Variants in OXR1 observed in about 807,000 individuals in gnomAD.
OXR1 encodes oxidation resistance 1, also known as oxidation resistance protein 1.
A neutral mutation model predicts 104.6 loss-of-function variants in OXR1; 41 were observed. The ratio of observed to expected loss-of-function variants is 0.39; its 90% confidence interval spans 0.31 to 0.51. The LOEUF is 0.51. Ranked by LOEUF, OXR1 falls within the 20% of genes least tolerant of loss-of-function variation. OXR1 has a pLI of 0.77. For missense variants in OXR1, 955 were observed against 1,031.9 expected, an observed-to-expected ratio of 0.93 and a Z score of 1.02; for synonymous variants, 348 against 348.4, an observed-to-expected ratio of 1.00 and a Z score of 0.01.
chr8:106,312,821 G>A (rs1813765584), intron 1 of OXR1, among the ~76,000 whole-genome samples: 1 of 152,048 alleles, frequency 6.6e-6, no homozygotes, highest in Non-Finnish European at 1.5e-5. Flanking sequence ...CTATAAATTG[G>A]CCCAACATAA....
chr8:106,570,157 T>C (rs935255145), intron 3 of OXR1, among the ~76,000 whole-genome samples: 3 of 152,206 alleles, frequency 2.0e-5, no homozygotes, highest in African/African-American at 7.2e-5. Flanking sequence ...TGCTTCCTTA[T>C]GTTCTCTGAC....
intron 2 of OXR1, among the ~76,000 whole-genome samples, chr8:106,455,534 A>G (rs1193826247): frequency 2.0e-5 from 3 of 152,156 alleles, no homozygotes; most frequent in Non-Finnish European, 4.4e-5. Flanking sequence ...TAAAATTAAG[A>G]GTCTGTGTCT....
At chr8:106,479,845 T>C (rs1200790680) in intron 2 of OXR1, among the ~76,000 whole-genome samples, 1 of 152,022 alleles carries the variant, frequency 6.6e-6, no homozygotes, top group East Asian at 1.9e-4. Flanking sequence ...GACTTTATAA[T>C]TTACTCTCCA....
At chr8:106,471,958 C>A (rs1172332628) in intron 2 of OXR1, among the ~76,000 whole-genome samples, 1 of 151,814 alleles carries the variant, frequency 6.6e-6, no homozygotes, top group African/African-American at 2.4e-5. Flanking sequence ...AAATTGTTAT[C>A]GATGAAATAC....
At position 106,706,501 on chromosome 8, in the gene OXR1, C is replaced by T; in HGVS notation, c.980C>T (p.Pro327Leu). 1 of 1,605,090 alleles carries T rather than the reference C, an allele frequency of 6.2e-7. No individual in the cohort carries two copies. Among genetic ancestry groups the T allele is most frequent in the Non-Finnish European group, 8.5e-7 (1 of 1,177,858 alleles). The change falls in exon 9 of 17, where the codon CCT becomes CTT. Residue 327 changes from proline to leucine, a missense_variant. By Grantham distance (98) the Pro-to-Leu change is moderately conservative. Coordinates refer to ENST00000517566, the MANE Select transcript of OXR1 (RefSeq NM_001198533.2). ...GGTAATGATAGTGCCAGCACTGCTC[C>T]TAGGAGCACTGAGGAGTCTCTTTCT... is the stretch of plus-strand genomic sequence containing the variant. ...DAGNDSASTA[P>L]RSTEESLSED... is the part of the protein sequence containing the mutation.
chr8:106,287,129 A>C (rs926350653), intron 1 of OXR1, among the ~76,000 whole-genome samples: 1 of 152,172 alleles, frequency 6.6e-6, no homozygotes, highest in Non-Finnish European at 1.5e-5. Flanking sequence ...CTGTAGACCT[A>C]AAGTAGAAAG....
At chr8:106,551,596 C>A in intron 3 of OXR1, among the ~76,000 whole-genome samples, 1 of 151,604 alleles carries the variant, frequency 6.6e-6, no homozygotes, top group Admixed American at 6.6e-5. Flanking sequence ...AGAGGGACTT[C>A]CTGGGGATGT....
intron 2 of OXR1, among the ~76,000 whole-genome samples, chr8:106,436,800 A>G (rs1226601649): frequency 6.6e-6 from 1 of 152,172 alleles, no homozygotes; most frequent in Non-Finnish European, 1.5e-5. Flanking sequence ...CTAGAAGACC[A>G]GCCATGCCTC....
intron 2 of OXR1, among the ~76,000 whole-genome samples, chr8:106,434,348 C>G (rs998898517): frequency 3.9e-5 from 6 of 152,044 alleles, no homozygotes; most frequent in Non-Finnish European, 8.8e-5. Context: ...TAAGAAAAAG[C>G]TAATTTTGTG....
At chr8:106,284,211 G>A (rs1812401902) in intron 1 of OXR1, among the ~76,000 whole-genome samples, 2 of 151,984 alleles carry the variant, frequency 1.3e-5, no homozygotes, top group African/African-American at 4.8e-5. Flanking sequence ...CGGTCAGCAG[G>A]TTGTGCTGCA....
chr8:106,400,498 A>G (rs1817958534), intron 2 of OXR1, among the ~76,000 whole-genome samples: 1 of 152,188 alleles, frequency 6.6e-6, no homozygotes, highest in African/African-American at 2.4e-5. Context: ...TAGTAAAATT[A>G]TTCCTTCCAA....
chr8:106,519,198 A>G, intron 3 of OXR1, 59 bp downstream of exon 3: 1 of 1,196,838 alleles, frequency 8.4e-7, no homozygotes. Flanking sequence ...TGGCATTGAG[A>G]ATTTCTGGGT....
chr8:106,752,381 T>C lies in OXR1; in HGVS notation c.*1440T>C, dbSNP rs752826932. 6.6e-6 allele frequency: 1 copy of C among 152,542 alleles called. No individual in the cohort carries two copies. Among genetic ancestry groups the C allele is most frequent in the Non-Finnish European group, 1.5e-5 (1 of 67,942 alleles). The allele number at this position is 152,542 out of a possible 1,614,324, so 9.4% of individuals were successfully genotyped here. On this transcript the variant is annotated 3_prime_UTR_variant, in exon 17 of 17. Coordinates refer to ENST00000517566, the MANE Select transcript of OXR1 (RefSeq NM_001198533.2). ...GTTCTTTTGAAAGTTTAGATAATTATTTAAAGAAAGCATAATGCTAATGGA... is the reference window on the plus strand; with the variant it reads ...GTTCTTTTGAAAGTTTAGATAATTACTTAAAGAAAGCATAATGCTAATGGA...
chr8:106,533,571 C>T (rs1379854808), intron 3 of OXR1, among the ~76,000 whole-genome samples: 5 of 152,168 alleles, frequency 3.3e-5, no homozygotes, highest in African/African-American at 1.2e-4. Context: ...AGTCATACCA[C>T]ATCACACGGC....
At chr8:106,579,771 C>T (rs577024697) in intron 3 of OXR1, among the ~76,000 whole-genome samples, 18 of 151,894 alleles carry the variant, frequency 1.2e-4, no homozygotes, top group African/African-American at 4.3e-4. Flanking sequence ...GCTATATATG[C>T]TTGATTTCAT....
intron 11 of OXR1, among the ~76,000 whole-genome samples, chr8:106,725,215 G>T (rs1026846928): frequency 5.3e-5 from 8 of 152,024 alleles, no homozygotes; most frequent in African/African-American, 1.9e-4. Flanking sequence ...GGTGTGCTGT[G>T]CCCTGTGTGA....
intron 2 of OXR1, among the ~76,000 whole-genome samples, chr8:106,510,542 C>G (rs1812456131): frequency 6.6e-6 from 1 of 152,110 alleles, no homozygotes; most frequent in Non-Finnish European, 1.5e-5. Context: ...TCTGAAGAGG[C>G]AGAATTAGTT....
intron 2 of OXR1, among the ~76,000 whole-genome samples, chr8:106,514,000 A>G (rs1812704105): frequency 6.6e-6 from 1 of 152,106 alleles, no homozygotes; most frequent in Non-Finnish European, 1.5e-5. Flanking sequence ...AATTAAGACA[A>G]ACCAGTCTGC....
intron 2 of OXR1, among the ~76,000 whole-genome samples, chr8:106,401,843 A>G (rs910476800): frequency 3.9e-5 from 6 of 152,192 alleles, no homozygotes; most frequent in African/African-American, 1.4e-4. Context: ...GATCAGCATA[A>G]TGTCATCAAT....
Sources: allele counts gnomAD v4.1 joint callset (sites outside exome capture counted in the v4.1 genomes callset), GRCh38; gene constraint gnomAD v4.1.1; transcripts MANE v1.5; gene names NCBI Gene and HGNC (gene_info 2026-07-23, HGNC 2026-07-21).